The following LGSN variants were observed in gnomAD, a reference collection of about 807,000 sequenced individuals.
The protein encoded by LGSN is lengsin.
Under a neutral mutation model 19.5 loss-of-function variants are expected in LGSN, and 21 were observed. The observed-to-expected ratio is 1.07, with a 90% CI of 0.76 to 1.55. The LOEUF (loss-of-function observed/expected upper bound fraction) is 1.55. LGSN is among the 40% of genes most tolerant of loss of function. The pLI is 0.00. For missense variants in LGSN, 673 were observed against 608.5 expected (o/e 1.11, Z -1.12); for synonymous variants, 257 against 215.6 (o/e 1.19, Z -1.68).
chr6:63,553,518 C>G, the LGSN span, among the ~76,000 whole-genome samples: 2,096 of 152,254 alleles, frequency 0.014, 46 homozygotes, highest in African/African-American at 0.048. Flanking sequence ...GTTTGGTATC[C>G]TGTCATGCAG....
At chr6:63,388,062 G>T in the LGSN span, among the ~76,000 whole-genome samples, 1 of 149,280 alleles carries the variant, frequency 6.7e-6, no homozygotes, top group Non-Finnish European at 1.5e-5. Context: ...TTTTAGTAGA[G>T]ATGCGGTTTC....
chr6:63,405,140 A>AT, the LGSN span, among the ~76,000 whole-genome samples: 7 of 151,538 alleles, frequency 4.6e-5, no homozygotes, highest in African/African-American at 1.2e-4. Flanking sequence ...TGAACTCATC[A>AT]TTTTTTGTGG....
chr6:63,365,506 G>T, the LGSN span, among the ~76,000 whole-genome samples: 1 of 152,128 alleles, frequency 6.6e-6, no homozygotes, highest in Non-Finnish European at 1.5e-5. Context: ...TCTACCAGAG[G>T]TACAAAGAGG....
the LGSN span, among the ~76,000 whole-genome samples, chr6:63,569,351 C>G: frequency 1.2e-4 from 18 of 152,196 alleles, no homozygotes; most frequent in African/African-American, 3.6e-4. Flanking sequence ...TGCCTCCCAG[C>G]TTTCCAGTGA....
At chr6:63,447,631 A>G in the LGSN span, among the ~76,000 whole-genome samples, 1 of 152,252 alleles carries the variant, frequency 6.6e-6, no homozygotes, top group Admixed American at 6.5e-5. Flanking sequence ...CCTAATGACT[A>G]TAAGGAGTCA....
the LGSN span, among the ~76,000 whole-genome samples, chr6:63,546,836 A>C: frequency 6.6e-6 from 1 of 152,216 alleles, no homozygotes; most frequent in African/African-American, 2.4e-5. Context: ...TTAGATCTTA[A>C]ATTTTCTCAT....
At chr6:63,405,742 A>C in the LGSN span, among the ~76,000 whole-genome samples, 6 of 152,210 alleles carry the variant, frequency 3.9e-5, no homozygotes, top group Middle Eastern at 3.2e-3. Flanking sequence ...AAATTGGATA[A>C]AGAGTTAAGA....
chr6:63,411,559 G>T, the LGSN span, among the ~76,000 whole-genome samples: 1 of 152,106 alleles, frequency 6.6e-6, no homozygotes, highest in African/African-American at 2.4e-5. Flanking sequence ...ATTGTGCTAA[G>T]GCCAGGCATG....
At chr6:63,370,957 T>G in the LGSN span, among the ~76,000 whole-genome samples, 1 of 152,174 alleles carries the variant, frequency 6.6e-6, no homozygotes, top group South Asian at 2.1e-4. Flanking sequence ...GCCCTGCTTG[T>G]GAAACGTAGA....
At chr6:63,511,157 A>G in the LGSN span, among the ~76,000 whole-genome samples, 22 of 151,996 alleles carry the variant, frequency 1.4e-4, no homozygotes, top group Non-Finnish European at 2.6e-4. Context: ...GCAACACGCT[A>G]TATCTATAAG....
the LGSN span, among the ~76,000 whole-genome samples, chr6:63,547,258 C>T: frequency 6.9e-6 from 1 of 145,450 alleles, no homozygotes; most frequent in Non-Finnish European, 1.5e-5. Context: ...GGTATGATCT[C>T]AGCACACTGC....
Position 63,279,927 on chromosome 6 carries a change from G to T in LGSN, c.*94C>A. ...AAGCATTCGTAATCTTGTTATTGTT[G>T]CTGTTGTTAATTACAAAAGTTCAGT... is the stretch of plus-strand genomic sequence containing the variant. On this transcript the variant is annotated 3_prime_UTR_variant, in exon 4 of 4. Transcript: ENST00000370657. 1.8e-6 allele frequency: 2 copies of T among 1,139,026 alleles called. No homozygotes were observed. Among genetic ancestry groups the T allele is most frequent in the Non-Finnish European group, 2.5e-6 (2 of 798,642 alleles). The allele number at this position is 1,139,026 out of a possible 1,614,324, so 70.6% of individuals were successfully genotyped here.
At chr6:63,547,694 G>C in the LGSN span, among the ~76,000 whole-genome samples, 1 of 148,108 alleles carries the variant, frequency 6.8e-6, no homozygotes, top group South Asian at 2.1e-4. Flanking sequence ...TTTTTTTTCA[G>C]TAGAGACGGG....
the LGSN span, among the ~76,000 whole-genome samples, chr6:63,555,686 T>G: frequency 6.7e-6 from 1 of 150,208 alleles, no homozygotes; most frequent in Non-Finnish European, 1.5e-5. Context: ...ACTTCTCAAT[T>G]ACACTCTTTT....
chr6:63,455,590 A>C, the LGSN span, among the ~76,000 whole-genome samples: 1 of 151,970 alleles, frequency 6.6e-6, no homozygotes, highest in African/African-American at 2.4e-5. Context: ...CCCCGTCTCT[A>C]CTATAAATAC....
chr6:63,407,718 A>C, the LGSN span, among the ~76,000 whole-genome samples: 1 of 152,306 alleles, frequency 6.6e-6, no homozygotes, highest in East Asian at 1.9e-4. Context: ...GTATTCAATT[A>C]GGAAAAGAGG....
At chr6:63,385,880 G>T in the LGSN span, among the ~76,000 whole-genome samples, 1 of 152,074 alleles carries the variant, frequency 6.6e-6, no homozygotes, top group African/African-American at 2.4e-5. Flanking sequence ...ATAAGTAATG[G>T]CAAATTCCTG....
At chr6:63,411,656 T>C in the LGSN span, among the ~76,000 whole-genome samples, 1 of 152,056 alleles carries the variant, frequency 6.6e-6, no homozygotes. Context: ...CAAGACAACA[T>C]GGTCAGACTC....
the LGSN span, among the ~76,000 whole-genome samples, chr6:63,513,923 A>AC: frequency 6.8e-6 from 1 of 146,660 alleles, no homozygotes; most frequent in African/African-American, 2.5e-5. Context: ...AAAAAAAAAA[A>AC]AAAAAAAAAA....
Sources: allele counts gnomAD v4.1 joint callset (sites outside exome capture counted in the v4.1 genomes callset), GRCh38; gene constraint gnomAD v4.1.1; transcripts MANE v1.5; gene names NCBI Gene and HGNC (gene_info 2026-07-23, HGNC 2026-07-21).